TECPR1: variants seen among roughly 807,000 people sequenced by gnomAD.
The protein encoded by TECPR1 is tectonin beta-propeller repeat-containing protein 1.
Under a neutral mutation model 162.4 loss-of-function variants are expected in TECPR1, and 122 were observed. That is an observed-to-expected ratio of 0.75 (90% CI 0.65 to 0.87). The LOEUF is 0.87. TECPR1 is among the 40% of genes least tolerant of loss of function. TECPR1 has a pLI of 0.00. For synonymous variants in TECPR1, 642 were observed against 670.6 expected, an observed-to-expected ratio of 0.96 and a Z score of 0.66; for missense variants, 1,432 against 1,618.2, an observed-to-expected ratio of 0.88 and a Z score of 1.97.
chr7:98,248,794 C>T (rs1424676448), intron 2 of TECPR1, among the ~76,000 whole-genome samples: 4 of 151,194 alleles, frequency 2.6e-5, no homozygotes, highest in Non-Finnish European at 4.4e-5. Flanking sequence ...TGCAGAGAGC[C>T]GAGATTGCAC....
chr7:98,240,026 G>A (rs917420481), intron 8 of TECPR1, among the ~76,000 whole-genome samples: 2 of 151,850 alleles, frequency 1.3e-5, no homozygotes, highest in Admixed American at 6.6e-5. Flanking sequence ...GGAGAATGGC[G>A]TGAACCCGGG....
intron 17 of TECPR1, 37 bp from the exon 18 acceptor site, chr7:98,225,139 T>G: frequency 6.5e-7 from 1 of 1,533,928 alleles, no homozygotes; most frequent in South Asian, 1.2e-5. Flanking sequence ...CGAGGGAGAC[T>G]GGGGAATGAA....
intron 15 of TECPR1, among the ~76,000 whole-genome samples, chr7:98,230,196 G>A (rs927788766): frequency 1.3e-5 from 2 of 151,074 alleles, no homozygotes; most frequent in African/African-American, 4.9e-5. Flanking sequence ...TTGTAGAGAC[G>A]AGTCTAGCTA....
At chr7:98,226,631 A>G in intron 17 of TECPR1, 1 of 1,056,142 alleles carries the variant, frequency 9.5e-7, no homozygotes, top group South Asian at 2.6e-5. Flanking sequence ...TCAATTTGGA[A>G]AAGGCAGAAG....
chr7:98,226,500 C>T, intron 17 of TECPR1: 1 of 1,023,572 alleles, frequency 9.8e-7, no homozygotes. Flanking sequence ...CTGCCCCCAA[C>T]ACGGACACAC....
At chr7:98,231,726 C>T (rs1027878577) in intron 13 of TECPR1, 78 bp downstream of exon 13, 1 of 1,534,634 alleles carries the variant, frequency 6.5e-7, no homozygotes, top group Non-Finnish European at 8.9e-7. Context: ...CTGGGCACCC[C>T]CATTTCTGTA....
intron 9 of TECPR1, among the ~76,000 whole-genome samples, chr7:98,238,278 C>T (rs1362295966): frequency 1.3e-5 from 2 of 152,236 alleles, no homozygotes; most frequent in South Asian, 2.1e-4. Context: ...CACCCCTGTG[C>T]ACTAGCAGGT....
At chr7:98,234,571 C>T (rs1199114965) in intron 10 of TECPR1, among the ~76,000 whole-genome samples, 1 of 152,142 alleles carries the variant, frequency 6.6e-6, no homozygotes, top group Non-Finnish European at 1.5e-5. Context: ...TGTGCTGGCT[C>T]ACATGGCAGT....
At chr7:98,230,935 C>T (rs745566298) in intron 15 of TECPR1, 26 bp downstream of exon 15, 1 of 1,600,304 alleles carries the variant, frequency 6.2e-7, no homozygotes, top group Non-Finnish European at 8.5e-7. Context: ...AGGCCCCAGA[C>T]CCCACCCAGA....
At chr7:98,247,073 G>A (rs1024469706) in intron 2 of TECPR1, among the ~76,000 whole-genome samples, 3 of 151,616 alleles carry the variant, frequency 2.0e-5, no homozygotes, top group Non-Finnish European at 2.9e-5. Context: ...GGGAGATGGA[G>A]GTTGCAGTGA....
intron 10 of TECPR1, among the ~76,000 whole-genome samples, 157 bp downstream of exon 10, chr7:98,236,619 G>T (rs1330852745): frequency 6.6e-6 from 1 of 151,342 alleles, no homozygotes; most frequent in African/African-American, 2.4e-5. Flanking sequence ...GAGGGCTTCG[G>T]CTCTTGTGGC....
chr7:98,240,122 A>G (rs1798707711), intron 8 of TECPR1, among the ~76,000 whole-genome samples: 1 of 151,924 alleles, frequency 6.6e-6, no homozygotes, highest in Admixed American at 6.6e-5. Context: ...AAAAACAAAC[A>G]AAAGAAAAAC....
At chr7:98,221,056 C>G (rs1798127545) in intron 23 of TECPR1, among the ~76,000 whole-genome samples, 1 of 149,788 alleles carries the variant, frequency 6.7e-6, no homozygotes, top group Admixed American at 6.7e-5. Flanking sequence ...AATCCCAGCA[C>G]TTTGGGAGGC....
At chr7:98,244,446 G>C (rs1274703656) in intron 5 of TECPR1, 125 bp downstream of exon 5, 1 of 1,301,272 alleles carries the variant, frequency 7.7e-7, no homozygotes, top group Non-Finnish European at 1.1e-6. Flanking sequence ...ACAGCTCAAA[G>C]GCCAGGTCCC....
intron 11 of TECPR1, 87 bp from the exon 12 acceptor site, chr7:98,233,059 G>C: frequency 1.4e-6 from 2 of 1,430,840 alleles, no homozygotes; most frequent in Non-Finnish European, 1.9e-6. Context: ...CACCAAATCA[G>C]CCCTTTCTAG....
chr7:98,238,578 A>G lies in TECPR1; in HGVS notation c.966T>C (p.Asn322=), dbSNP rs370697111. 1 of 1,573,220 alleles carries G rather than the reference A, an allele frequency of 6.4e-7. No homozygotes were observed. The highest frequency in any genetic ancestry group is 8.6e-7 in the Non-Finnish European group (1 of 1,159,464). ...TCTCAATCCAACTGGTGCCGCAGGGATTGTGAGAGTTGACGCCTCTTCGGA... is the reference window on the plus strand; with the variant it reads ...TCTCAATCCAACTGGTGCCGCAGGGGTTGTGAGAGTTGACGCCTCTTCGGA... ...VWFRRGVNSH[N]PCGTSWIEMV... Residue 322 remains asparagine (N), a synonymous_variant, in exon 9 of 26, where the codon AAT becomes AAC. Transcript: ENST00000447648.
At chr7:98,235,297 G>GGGAGGATCACAAGGTCA (rs1562940069) in intron 10 of TECPR1, among the ~76,000 whole-genome samples, 1 of 152,130 alleles carries the variant, frequency 6.6e-6, no homozygotes, top group Non-Finnish European at 1.5e-5. Flanking sequence ...AGGCCAAGGC[G>GGGAGGATCACAAGGTCA]GGAGGATCAC....
intron 2 of TECPR1, among the ~76,000 whole-genome samples, chr7:98,247,268 G>A (rs1798936335): frequency 6.6e-6 from 1 of 151,974 alleles, no homozygotes; most frequent in South Asian, 2.1e-4. Flanking sequence ...TCAGCCTCCT[G>A]GGACAACAAC....
At chr7:98,225,135 A>T in intron 17 of TECPR1, 33 bp from the exon 18 acceptor site, 1 of 1,539,630 alleles carries the variant, frequency 6.5e-7, no homozygotes. Flanking sequence ...GTGACGAGGG[A>T]GACTGGGGAA....
Sources: gnomAD v4.1 joint callset for allele counts (sites outside exome capture counted in the v4.1 genomes callset) on GRCh38, gnomAD v4.1.1 for gene constraint, MANE v1.5 for transcripts, NCBI Gene and HGNC (gene_info 2026-07-23, HGNC 2026-07-21) for gene names.